Variants in SRXN1 observed in about 807,000 individuals in gnomAD.
The protein encoded by SRXN1 is sulfiredoxin 1, also known as sulfiredoxin-1.
Under a neutral mutation model 11.0 loss-of-function variants are expected in SRXN1, and 11 were observed. The observed-to-expected ratio is 1.00, with a 90% CI of 0.63 to 1.65. The LOEUF is 1.65. Among genes scored for constraint, SRXN1 ranks in the 40% most tolerant of loss-of-function variants. The pLI is 0.00. For missense variants in SRXN1, 211 were observed against 194.5 expected, an observed-to-expected ratio of 1.08 and a Z score of -0.50; for synonymous variants, 106 against 92.8, an observed-to-expected ratio of 1.14 and a Z score of -0.82.
rs1282313020 is a variant in SRXN1 at position 646,695 on chromosome 20, T to A, written c.*2019A>T. On this transcript the variant is annotated 3_prime_UTR_variant, in exon 2 of 2. Coordinates refer to ENST00000381962, the MANE Select transcript of SRXN1 (RefSeq NM_080725.3). ...GAAGTTGCAGAGATAGTACAAAGAGTTCCTGTATACCCTTCACCCAGCCTA... is the reference window on the plus strand; with the variant it reads ...GAAGTTGCAGAGATAGTACAAAGAGATCCTGTATACCCTTCACCCAGCCTA... 6.7e-6 allele frequency: 1 copy of A among 150,278 alleles called. No homozygotes were observed. Among genetic ancestry groups the A allele is most frequent in the Non-Finnish European group, 1.5e-5 (1 of 67,696 alleles). 9.3% of individuals were successfully genotyped at this position (150,278 alleles called of 1,614,324 possible). A position where few individuals can be genotyped will look rare whatever the true frequency, so the allele number is the denominator to read the frequency against.
At chr20:650,305 T>C (rs1440516865) in intron 1 of SRXN1, among the ~76,000 whole-genome samples, 1 of 152,044 alleles carries the variant, frequency 6.6e-6, no homozygotes, top group Admixed American at 6.5e-5. Context: ...GTCTGGATGA[T>C]GGTGTGGTGG....
At position 648,928 on chromosome 20, in the gene SRXN1, G is replaced by A. The variant is rs779000595; in HGVS notation, c.211-11C>T. The A allele has an allele frequency of 8.7e-6, 14 of 1,613,736 alleles. No individual in the cohort carries two copies. In the East Asian group the frequency reaches 2.7e-4, roughly 31 times the overall value. Reference sequence around the variant, plus strand: ...GCTGTCTGGGTCCTCCTGGGGAGAAGAGGCACAGAGTCAATGGACATGGTA... The same window carrying A: ...GCTGTCTGGGTCCTCCTGGGGAGAAAAGGCACAGAGTCAATGGACATGGTA... On this transcript the variant is annotated splice_polypyrimidine_tract_variant and intron_variant, in intron 1 of 1. Transcript: ENST00000381962.
rs1050128332 is a variant in SRXN1 at position 648,141 on chromosome 20, C to T, written c.*573G>A. ...CCTTCCTCTTCCTCCACCCCTCCTT[C>T]CTTGAACGCAGACATGATTCTTGGG... is the stretch of plus-strand genomic sequence containing the variant. On this transcript the variant is annotated 3_prime_UTR_variant, in exon 2 of 2. Transcript: ENST00000381962. 2 of 456,150 alleles carry T rather than the reference C, an allele frequency of 4.4e-6. No individual in the cohort carries two copies. Among genetic ancestry groups the T allele is most frequent in the African/African-American group, 4.0e-5 (2 of 50,068 alleles). The allele number at this position is 456,150 out of a possible 1,614,324, so 28.3% of individuals were successfully genotyped here.
intron 1 of SRXN1, among the ~76,000 whole-genome samples, chr20:649,379 G>C (rs1983616655): frequency 6.6e-6 from 1 of 152,096 alleles, no homozygotes; most frequent in Admixed American, 6.5e-5. Flanking sequence ...GCCTCTCTGA[G>C]GTAAGAATGA....
At chr20:649,062 G>A (rs1368738693) in intron 1 of SRXN1, 145 bp from the exon 2 acceptor site, 2 of 878,044 alleles carry the variant, frequency 2.3e-6, no homozygotes, top group Non-Finnish European at 3.5e-6. Flanking sequence ...CAGGAATTTT[G>A]TGAGCTGTTC....
rs1230069227 is a variant in SRXN1 at position 647,977 on chromosome 20, G to C, written c.*737C>G. On this transcript the variant is annotated 3_prime_UTR_variant, in exon 2 of 2. Transcript: ENST00000381962. ...TTCTGTTCCCTGCTGTCTTAGCTTT[G>C]TTTGCAGCTAGAGGTGCAATGGTAG... 2.4e-6 allele frequency: 1 copy of C among 425,502 alleles called. No homozygotes were observed. 26.4% of individuals were successfully genotyped at this position (425,502 alleles called of 1,614,324 possible).
At position 653,150 on chromosome 20, in the gene SRXN1, G is replaced by A. The variant is rs1216256758; in HGVS notation, c.36C>T (p.Ala12=). ...GLRAGGTLGR[A]GAGRGAPEGP... ...CCTCGGGCGCCCCCCGACCCGCGCC[G>A]GCCCTGCCCAGCGTTCCTCCTGCAC... Residue 12 remains alanine, a synonymous_variant, in exon 1 of 2, where the codon GCC becomes GCT. Coordinates refer to ENST00000381962, the MANE Select transcript of SRXN1 (RefSeq NM_080725.3). 4 of 1,274,320 alleles carry A rather than the reference G, an allele frequency of 3.1e-6. No homozygotes were observed. The highest frequency in any genetic ancestry group is 3.9e-6 in the Non-Finnish European group (4 of 1,015,444). 78.9% of individuals were successfully genotyped at this position (1,274,320 alleles called of 1,614,324 possible).
chr20:652,618 C>A (rs1983701530), intron 1 of SRXN1, among the ~76,000 whole-genome samples: 1 of 152,180 alleles, frequency 6.6e-6, no homozygotes, highest in Admixed American at 6.5e-5. Flanking sequence ...TGATCTTAGT[C>A]AAGCCGCTGA....
rs747727452 is a variant in SRXN1, at chr20:648,719, G to C, written c.409C>G (p.Gln137Glu). The C allele has an allele frequency of 2.5e-6, 4 of 1,614,022 alleles. No homozygotes were observed. Among genetic ancestry groups the C allele is most frequent in the Non-Finnish European group, 3.4e-6 (4 of 1,179,950 alleles). Reference protein sequence around the residue: ...VYLGASTPDLQ With the variant: ...VYLGASTPDLE ...AGCAGGTGCCAAGGAGGCTGCTACT[G>C]CAAGTCTGGTGTGGATGCTCCCAGG... The change falls in exon 2 of 2, where the codon CAG becomes GAG. Residue 137 changes from glutamine to glutamate, a missense_variant. Transcript: ENST00000381962.
In SRXN1 at chr20:653,126, C is replaced by T. The variant is rs1490394757; in HGVS notation, c.60G>A (p.Glu20=). 1 of 1,328,600 alleles carries T rather than the reference C, an allele frequency of 7.5e-7. No individual in the cohort carries two copies. The highest frequency in any genetic ancestry group is 9.6e-7 in the Non-Finnish European group (1 of 1,044,744). The allele number at this position is 1,328,600 out of a possible 1,614,324, so 82.3% of individuals were successfully genotyped here. ...GRAGAGRGAP[E]GPGPSGGAQG... ...GCGCGCCGCCGCTCGGCCCGGGCCCCTCGGGCGCCCCCCGACCCGCGCCGG... is the reference window on the plus strand; with the variant it reads ...GCGCGCCGCCGCTCGGCCCGGGCCCTTCGGGCGCCCCCCGACCCGCGCCGG... Residue 20 remains glutamate (E), a synonymous_variant, in exon 1 of 2, where the codon GAG becomes GAA. Transcript: ENST00000381962.
rs749634311 is a variant in SRXN1 at position 648,920 on chromosome 20, G to A, written c.211-3C>T. The A allele has an allele frequency of 1.5e-5, 24 of 1,613,822 alleles. No homozygotes were observed. The highest frequency in any genetic ancestry group is 1.6e-4 in the Middle Eastern group (1 of 6,084). On this transcript the variant is annotated splice_region_variant and splice_polypyrimidine_tract_variant and intron_variant, in intron 1 of 1. Transcript: ENST00000381962. ...GGGGGCACGCTGTCTGGGTCCTCCT[G>A]GGGAGAAGAGGCACAGAGTCAATGG...
chr20:649,505 C>A (rs889834734), intron 1 of SRXN1, among the ~76,000 whole-genome samples: 4 of 152,082 alleles, frequency 2.6e-5, no homozygotes, highest in Admixed American at 6.5e-5. Context: ...AGTTTGAGAC[C>A]AGCCTGGCCA....
Position 653,192 on chromosome 20 carries a change from C to T in SRXN1, c.-7G>A, listed in dbSNP as rs1205035402. 1.6e-6 allele frequency: 2 copies of T among 1,231,202 alleles called. No individual in the cohort carries two copies. Among genetic ancestry groups the T allele is most frequent in the South Asian group, 3.0e-5 (1 of 33,518 alleles). The allele number at this position is 1,231,202 out of a possible 1,614,324, so 76.3% of individuals were successfully genotyped here. On this transcript the variant is annotated 5_prime_UTR_variant, in exon 1 of 2. Transcript: ENST00000381962. ...CTCCTGCACGCAGCCCCATCGTCGC[C>T]GCCGCCGCGGGACTCGCCGCCTCCC... is the stretch of plus-strand genomic sequence containing the variant.
Position 646,779 on chromosome 20 carries a change from T to A in SRXN1, c.*1935A>T, listed in dbSNP as rs1259117609. 1 of 152,110 alleles carries A rather than the reference T, an allele frequency of 6.6e-6. No individual in the cohort carries two copies. 9.4% of individuals were successfully genotyped at this position (152,110 alleles called of 1,614,324 possible). ...ATCTGTCAAAACCAAGAGACTGAAA[T>A]TGGTATATTAACTAAAATTCAGACT... On this transcript the variant is annotated 3_prime_UTR_variant, in exon 2 of 2. Coordinates refer to ENST00000381962, the MANE Select transcript of SRXN1 (RefSeq NM_080725.3).
intron 1 of SRXN1, among the ~76,000 whole-genome samples, chr20:651,608 C>T (rs374968172): frequency 5.3e-5 from 8 of 150,994 alleles, no homozygotes; most frequent in East Asian, 2.0e-4. Context: ...GGCTTGAACC[C>T]GGGAGGCGGA....
Position 647,722 on chromosome 20 carries a change from C to A in SRXN1, c.*992G>T. The A allele has an allele frequency of 3.2e-6, 1 of 316,536 alleles. No individual in the cohort carries two copies. Among genetic ancestry groups the A allele is most frequent in the Admixed American group, 4.6e-5 (1 of 21,848 alleles). 19.6% of individuals were successfully genotyped at this position (316,536 alleles called of 1,614,324 possible). On this transcript the variant is annotated 3_prime_UTR_variant, in exon 2 of 2. Coordinates refer to ENST00000381962, the MANE Select transcript of SRXN1 (RefSeq NM_080725.3). ...CTCCATGAGGGATCCCAGGTGTGAG[C>A]AGCAGAACTGCCCTGTTGAGCCCAG...
chr20:651,675 C>T (rs1231980480), intron 1 of SRXN1, among the ~76,000 whole-genome samples: 1 of 140,728 alleles, frequency 7.1e-6, no homozygotes, highest in Non-Finnish European at 1.5e-5. Context: ...CAGACCCAGA[C>T]AACGTCTTAA....
Position 647,875 on chromosome 20 carries a change from G to C in SRXN1, c.*839C>G. Reference sequence around the variant, plus strand: ...ATTCTGCATTTCTCTCTTGGTAATGGGATCCCAGTTTTATTGCAGGAGGCA... The same window carrying C: ...ATTCTGCATTTCTCTCTTGGTAATGCGATCCCAGTTTTATTGCAGGAGGCA... On this transcript the variant is annotated 3_prime_UTR_variant, in exon 2 of 2. Coordinates refer to ENST00000381962, the MANE Select transcript of SRXN1 (RefSeq NM_080725.3). The C allele has an allele frequency of 2.8e-6, 1 of 352,404 alleles. No individual in the cohort carries two copies. Among genetic ancestry groups the C allele is most frequent in the South Asian group, 2.1e-5 (1 of 46,572 alleles). 21.8% of individuals were successfully genotyped at this position (352,404 alleles called of 1,614,324 possible).
intron 1 of SRXN1, 67 bp from the exon 2 acceptor site, chr20:648,984 G>T: frequency 6.5e-7 from 1 of 1,547,222 alleles, no homozygotes; most frequent in East Asian, 2.3e-5. Flanking sequence ...AGCAGACTTT[G>T]TCCACTTGTG....
Sources: allele counts gnomAD v4.1 joint callset (sites outside exome capture counted in the v4.1 genomes callset), GRCh38; gene constraint gnomAD v4.1.1; transcripts MANE v1.5; gene names NCBI Gene and HGNC (gene_info 2026-07-23, HGNC 2026-07-21).